The following EPHA6 variants were observed in gnomAD, a reference collection of about 807,000 sequenced individuals.
The protein encoded by EPHA6 is EPH receptor A6.
In EPHA6, 50 loss-of-function variants were observed where a neutral mutation model predicts 112.0. The observed-to-expected ratio is 0.45, with a 90% CI of 0.36 to 0.56. The LOEUF is 0.56. Among genes scored for constraint, EPHA6 ranks in the 20% least tolerant of loss-of-function variants. The pLI is 0.00. For missense variants in EPHA6, 1,280 were observed against 1,417.4 expected (o/e 0.90, Z 1.56); for synonymous variants, 529 against 490.7 (o/e 1.08, Z -1.03).
At chr3:97,683,940 A>G (rs1477077416) in intron 14 of EPHA6, among the ~76,000 whole-genome samples, 2 of 152,184 alleles carry the variant, frequency 1.3e-5, no homozygotes, top group Non-Finnish European at 2.9e-5. Context: ...AGGCAAAGAG[A>G]ATGGGATTAC....
At chr3:97,187,703 A>AAGAT (rs1401852980) in intron 3 of EPHA6, among the ~76,000 whole-genome samples, 1 of 142,276 alleles carries the variant, frequency 7.0e-6, no homozygotes, top group Non-Finnish European at 1.5e-5. Flanking sequence ...GAAAGAAAGA[A>AAGAT]AGAAAGAAAG....
chr3:97,461,218 C>T (rs1577475600), intron 7 of EPHA6, among the ~76,000 whole-genome samples: 1 of 152,134 alleles, frequency 6.6e-6, no homozygotes, highest in East Asian at 1.9e-4. Flanking sequence ...CTGATTCATG[C>T]AATTCAATTT....
intron 14 of EPHA6, among the ~76,000 whole-genome samples, chr3:97,713,500 T>TA (rs1687866161): frequency 6.6e-6 from 1 of 152,220 alleles, no homozygotes; most frequent in Non-Finnish European, 1.5e-5. Context: ...CTTATCAGCT[T>TA]ATAAAAATTG....
At chr3:97,561,724 G>A (rs945085485) in intron 11 of EPHA6, among the ~76,000 whole-genome samples, 2 of 152,074 alleles carry the variant, frequency 1.3e-5, no homozygotes, top group Non-Finnish European at 2.9e-5. Flanking sequence ...AATGTAGTTG[G>A]AACATACTTC....
intron 5 of EPHA6, among the ~76,000 whole-genome samples, chr3:97,358,672 A>G (rs2084208963): frequency 6.6e-6 from 1 of 152,032 alleles, no homozygotes; most frequent in Non-Finnish European, 1.5e-5. Flanking sequence ...TATGGCCTCA[A>G]GTTACTTACT....
chr3:97,103,540 G>A (rs2047472019), intron 3 of EPHA6, among the ~76,000 whole-genome samples: 1 of 152,100 alleles, frequency 6.6e-6, no homozygotes, highest in Non-Finnish European at 1.5e-5. Flanking sequence ...GGTTAATGTA[G>A]CCCTGTAGTA....
At chr3:97,077,468 C>T (rs2046565869) in intron 3 of EPHA6, among the ~76,000 whole-genome samples, 1 of 152,098 alleles carries the variant, frequency 6.6e-6, no homozygotes, top group Admixed American at 6.6e-5. Context: ...TATACATGTG[C>T]CATGCTGGCC....
At chr3:97,713,686 T>C (rs1234349660) in intron 14 of EPHA6, among the ~76,000 whole-genome samples, 1 of 152,202 alleles carries the variant, frequency 6.6e-6, no homozygotes, top group Non-Finnish European at 1.5e-5. Flanking sequence ...TGTGTCTACA[T>C]GTGTATTTCA....
chr3:97,641,327 A>T (rs1268470015), intron 14 of EPHA6, among the ~76,000 whole-genome samples: 1 of 152,330 alleles, frequency 6.6e-6, no homozygotes, highest in East Asian at 1.9e-4. Flanking sequence ...CTTAAAAAGA[A>T]TGAAATAGTT....
At chr3:97,603,321 A>G (rs2093657033) in intron 12 of EPHA6, among the ~76,000 whole-genome samples, 1 of 151,934 alleles carries the variant, frequency 6.6e-6, no homozygotes, top group Non-Finnish European at 1.5e-5. Context: ...CCGGCAGGAA[A>G]ATCATGTTTT....
intron 5 of EPHA6, among the ~76,000 whole-genome samples, chr3:97,318,444 GTTCT>G (rs1386932657): frequency 1.3e-5 from 2 of 151,974 alleles, no homozygotes; most frequent in Non-Finnish European, 2.9e-5. Context: ...CACACTTGGT[GTTCT>G]TGAACAAGTA....
At chr3:97,076,735 G>T (rs1162593666) in intron 3 of EPHA6, among the ~76,000 whole-genome samples, 1 of 152,106 alleles carries the variant, frequency 6.6e-6, no homozygotes, top group African/African-American at 2.4e-5. Flanking sequence ...GCTGTTACGG[G>T]CTAATGCAGC....
chr3:97,388,671 T>A (rs1183251014), intron 5 of EPHA6, among the ~76,000 whole-genome samples: 1 of 152,128 alleles, frequency 6.6e-6, no homozygotes, highest in Non-Finnish European at 1.5e-5. Flanking sequence ...GCTACTAAAC[T>A]GGGGAGGGGA....
At position 97,638,083 on chromosome 3, in the gene EPHA6, G is replaced by A; in HGVS notation, c.2784+1G>A. 6.2e-7 allele frequency: 1 copy of A among 1,608,256 alleles called. No individual in the cohort carries two copies. Among genetic ancestry groups the A allele is most frequent in the Non-Finnish European group, 8.5e-7 (1 of 1,175,624 alleles). ...TCCAGAAGCTGCTTATACAACAACTGTAAGTTTATATGCCCTTTCCTAATA... is the reference window on the plus strand; with the variant it reads ...TCCAGAAGCTGCTTATACAACAACTATAAGTTTATATGCCCTTTCCTAATA... On this transcript the variant is annotated splice_donor_variant, in intron 14 of 17. Coordinates refer to ENST00000389672, the MANE Select transcript of EPHA6 (RefSeq NM_001080448.3). LOFTEE classifies it high-confidence loss of function.
Position 97,313,129 on chromosome 3 carries a change from A to G in EPHA6, c.1606+68842A>G, listed in dbSNP as rs187742106. Among the ~76,000 whole-genome samples, 193 of 151,488 alleles carry G rather than the reference A, an allele frequency of 1.3e-3. 4 individuals carry two copies. The East Asian group carries it at 0.021, about 16-fold the overall frequency. ...TCTACTCTCTATTTCGATGAGATCA[A>G]TATTTTTACATTTTACATATAAGTG... is the stretch of plus-strand genomic sequence containing the variant. On this transcript the variant is annotated intron_variant, in intron 5 of 17. Transcript: ENST00000389672.
chr3:97,233,843 G>A lies in EPHA6; in HGVS notation c.1270+7424G>A, dbSNP rs960040197. 4.6e-5 allele frequency among the ~76,000 whole-genome samples: 7 copies of A among 152,258 alleles called. No homozygotes were observed. In the East Asian group the frequency reaches 1.4e-3, roughly 29 times the overall value. Reference sequence around the variant, plus strand: ...ATTAATAAAATGAAGAACTAAAATTGTGGAAATGAGTAACCAAAATATTTG... The same window carrying A: ...ATTAATAAAATGAAGAACTAAAATTATGGAAATGAGTAACCAAAATATTTG... On this transcript the variant is annotated intron_variant, in intron 4 of 17. Coordinates refer to ENST00000389672, the MANE Select transcript of EPHA6 (RefSeq NM_001080448.3).
At chr3:97,650,835 C>G (rs931522404) in intron 14 of EPHA6, among the ~76,000 whole-genome samples, 2 of 106,534 alleles carry the variant, frequency 1.9e-5, no homozygotes, top group Non-Finnish European at 3.5e-5. Flanking sequence ...CCAGCCTGGG[C>G]AACAGTTCAA....
chr3:96,941,887 C>G (rs758857080), intron 2 of EPHA6, among the ~76,000 whole-genome samples: 15 of 152,172 alleles, frequency 9.9e-5, no homozygotes, highest in Non-Finnish European at 2.1e-4. Flanking sequence ...TGCCTGGGTA[C>G]CAGCAGCGGT....
At chr3:97,157,247 G>A (rs1418898704) in intron 3 of EPHA6, among the ~76,000 whole-genome samples, 1 of 152,074 alleles carries the variant, frequency 6.6e-6, no homozygotes, top group Non-Finnish European at 1.5e-5. Context: ...TTGTCTTTAT[G>A]AAATAACTTA....
Sources: allele counts gnomAD v4.1 joint callset (sites outside exome capture counted in the v4.1 genomes callset), GRCh38; gene constraint gnomAD v4.1.1; transcripts MANE v1.5; gene names NCBI Gene and HGNC (gene_info 2026-07-23, HGNC 2026-07-21).